The following TNIK variants were observed in gnomAD, a reference collection of about 807,000 sequenced individuals.
The protein encoded by TNIK is TRAF2 and NCK-interacting protein kinase.
In TNIK, 49 loss-of-function variants were observed where a neutral mutation model predicts 191.3. The observed-to-expected ratio is 0.26, with a 90% CI of 0.20 to 0.32. The LOEUF is 0.32. Among genes scored for constraint, TNIK ranks in the 10% least tolerant of loss-of-function variants. The pLI, the probability that TNIK is intolerant of heterozygous loss-of-function variation, is 1.00. For missense variants in TNIK, 1,155 were observed against 1,702.3 expected, an observed-to-expected ratio of 0.68 and a Z score of 5.66; for synonymous variants, 594 against 600.9, an observed-to-expected ratio of 0.99 and a Z score of 0.17.
chr3:171,148,508 A>G (rs760103651), intron 12 of TNIK, among the ~76,000 whole-genome samples: 2 of 152,186 alleles, frequency 1.3e-5, no homozygotes, highest in Non-Finnish European at 2.9e-5. Context: ...TGAAAGTCAA[A>G]TGCAGATGAA....
At position 171,344,462 on chromosome 3, in the gene TNIK, T is replaced by A. The variant is rs79978029; in HGVS notation, c.123+25158A>T. 4.4e-3 allele frequency among the ~76,000 whole-genome samples: 664 copies of A among 152,298 alleles called. 3 individuals carry two copies. Among genetic ancestry groups the A allele is most frequent in the Middle Eastern group, 0.01 (3 of 294 alleles). On this transcript the variant is annotated intron_variant, in intron 2 of 32. Transcript: ENST00000436636. ...GTTTTCATTTTCCTTTTTCTCCTAATGCAGTGTTTTTATGGGACAGATATG... is the reference window on the plus strand; with the variant it reads ...GTTTTCATTTTCCTTTTTCTCCTAAAGCAGTGTTTTTATGGGACAGATATG...
intron 2 of TNIK, among the ~76,000 whole-genome samples, chr3:171,254,205 C>T (rs576543927): frequency 2.6e-5 from 4 of 152,226 alleles, no homozygotes; most frequent in Non-Finnish European, 4.4e-5. Flanking sequence ...CTTAATGTAG[C>T]GTGTCTATTA....
chr3:171,091,509 A>G (rs2108406315), intron 23 of TNIK, among the ~76,000 whole-genome samples: 1 of 152,182 alleles, frequency 6.6e-6, no homozygotes, highest in South Asian at 2.1e-4. Flanking sequence ...TTGGGAGGTC[A>G]AGGCGGGCAG....
At chr3:171,129,431 T>C (rs1728944483) in intron 15 of TNIK, among the ~76,000 whole-genome samples, 1 of 152,226 alleles carries the variant, frequency 6.6e-6, no homozygotes, top group African/African-American at 2.4e-5. Flanking sequence ...GTGTTTCAAA[T>C]AGGCTTCCTG....
intron 23 of TNIK, among the ~76,000 whole-genome samples, chr3:171,090,625 C>T (rs981076963): frequency 2.0e-5 from 3 of 152,112 alleles, no homozygotes; most frequent in Non-Finnish European, 4.4e-5. Flanking sequence ...AGATTGAGAA[C>T]AGGGACCTTC....
At chr3:171,290,624 G>A (rs904919351) in intron 2 of TNIK, among the ~76,000 whole-genome samples, 5 of 152,130 alleles carry the variant, frequency 3.3e-5, no homozygotes, top group African/African-American at 1.2e-4. Context: ...GCCTCCCACA[G>A]TCATCTTTGT....
At chr3:171,287,603 G>C (rs186323819) in intron 2 of TNIK, among the ~76,000 whole-genome samples, 1 of 152,250 alleles carries the variant, frequency 6.6e-6, no homozygotes, top group Admixed American at 6.5e-5. Context: ...CAGTGATATG[G>C]CTTTAAAAGA....
intron 11 of TNIK, 121 bp downstream of exon 11, chr3:171,161,149 A>G (rs1409857002): frequency 2.1e-6 from 2 of 971,058 alleles, no homozygotes; most frequent in African/African-American, 1.6e-5. Flanking sequence ...TGGGCAATAA[A>G]TTAAATAAGA....
At chr3:171,311,185 T>C (rs140367823) in intron 2 of TNIK, among the ~76,000 whole-genome samples, 3 of 152,342 alleles carry the variant, frequency 2.0e-5, no homozygotes, top group East Asian at 3.9e-4. Context: ...CATTCAAAGT[T>C]TGTTAATAGA....
chr3:171,127,462 C>T (rs1007852461), intron 16 of TNIK, among the ~76,000 whole-genome samples: 21 of 152,006 alleles, frequency 1.4e-4, no homozygotes, highest in African/African-American at 5.1e-4. Context: ...CACCACACAA[C>T]CCCCAAACTG....
At chr3:171,425,837 A>G (rs1724489191) in intron 1 of TNIK, among the ~76,000 whole-genome samples, 1 of 152,102 alleles carries the variant, frequency 6.6e-6, no homozygotes, top group African/African-American at 2.4e-5. Flanking sequence ...AAAAAAAAAA[A>G]AAAAAGGAAG....
At chr3:171,235,778 G>C (rs972116212) in intron 2 of TNIK, among the ~76,000 whole-genome samples, 14 of 147,068 alleles carry the variant, frequency 9.5e-5, no homozygotes. Flanking sequence ...TGGGGGGGGG[G>C]TTTATAGAGT....
chr3:171,072,120 A>G (rs970831256), intron 28 of TNIK, among the ~76,000 whole-genome samples: 6 of 152,138 alleles, frequency 3.9e-5, no homozygotes, highest in African/African-American at 1.4e-4. Flanking sequence ...GACCTTGAGA[A>G]ATTGAACAAT....
chr3:171,129,434 G>A (rs1170692527), intron 15 of TNIK, among the ~76,000 whole-genome samples: 2 of 152,160 alleles, frequency 1.3e-5, no homozygotes, highest in African/African-American at 4.8e-5. Context: ...TTTCAAATAG[G>A]CTTCCTGTAT....
At chr3:171,457,022 T>G (rs780729673) in intron 1 of TNIK, among the ~76,000 whole-genome samples, 4 of 152,218 alleles carry the variant, frequency 2.6e-5, no homozygotes, top group Non-Finnish European at 5.9e-5. Context: ...TGGCTGAGTG[T>G]TCTACAATTC....
At position 171,062,786 on chromosome 3, in the gene TNIK, A is replaced by T. The variant is rs1477812697; in HGVS notation, c.*1095T>A. The stretch of plus-strand genomic sequence containing the variant: ...AGAAACATTTATTATTAATTTTTTC[A>T]GTCACAGTTTTCATCTTGAGAAAGT... On this transcript the variant is annotated 3_prime_UTR_variant, in exon 33 of 33. Coordinates refer to ENST00000436636, the MANE Select transcript of TNIK (RefSeq NM_015028.4). 1 of 152,148 alleles carries T rather than the reference A, an allele frequency of 6.6e-6. No individual in the cohort carries two copies. The highest frequency in any genetic ancestry group is 1.5e-5 in the Non-Finnish European group (1 of 68,030). The allele number at this position is 152,148 out of a possible 1,614,324, so 9.4% of individuals were successfully genotyped here. A position where few individuals can be genotyped will look rare whatever the true frequency, so the allele number is the denominator to read the frequency against.
At chr3:171,295,710 A>G (rs145394617) in intron 2 of TNIK, among the ~76,000 whole-genome samples, 220 of 152,304 alleles carry the variant, frequency 1.4e-3, no homozygotes, top group African/African-American at 5.2e-3. Context: ...AGGCCACGGT[A>G]TTGTTTTGAG....
At chr3:171,090,860 A>G (rs552198696) in intron 23 of TNIK, among the ~76,000 whole-genome samples, 1 of 152,318 alleles carries the variant, frequency 6.6e-6, no homozygotes, top group South Asian at 2.1e-4. Context: ...TTAGAGTGGT[A>G]TGTTCTTATA....
chr3:171,350,701 C>T (rs1026246752), intron 2 of TNIK, among the ~76,000 whole-genome samples: 1 of 150,888 alleles, frequency 6.6e-6, no homozygotes, highest in African/African-American at 2.4e-5. Flanking sequence ...TTTGAGTACT[C>T]ACTGTATACC....
Sources: gnomAD v4.1 joint callset for allele counts (sites outside exome capture counted in the v4.1 genomes callset) on GRCh38, gnomAD v4.1.1 for gene constraint, MANE v1.5 for transcripts, NCBI Gene and HGNC (gene_info 2026-07-23, HGNC 2026-07-21) for gene names.